Variants in PRKAG1 observed in about 807,000 individuals in gnomAD.
PRKAG1 encodes protein kinase AMP-activated non-catalytic subunit gamma 1, also known as 5'-AMP-activated protein kinase subunit gamma-1.
A neutral mutation model predicts 48.2 loss-of-function variants in PRKAG1; 27 were observed. The observed-to-expected ratio is 0.56, with a 90% CI of 0.41 to 0.77. The LOEUF (loss-of-function observed/expected upper bound fraction) is 0.77, where lower values mean the gene tolerates loss of function less well. Among genes scored for constraint, PRKAG1 ranks in the 30% least tolerant of loss-of-function variants. PRKAG1 has a pLI of 0.00. For missense variants in PRKAG1, 287 were observed against 398.3 expected, an observed-to-expected ratio of 0.72 and a Z score of 2.38; for synonymous variants, 130 against 147.7, an observed-to-expected ratio of 0.88 and a Z score of 0.87.
intron 2 of PRKAG1, among the ~76,000 whole-genome samples, chr12:49,011,179 C>T (rs1941744543): frequency 6.6e-6 from 1 of 152,050 alleles, no homozygotes; most frequent in Admixed American, 6.6e-5. Context: ...TGGAAGCCTA[C>T]CATTGTTATT....
intron 11 of PRKAG1, 63 bp from the exon 12 acceptor site, chr12:49,003,069 G>A: frequency 6.2e-7 from 1 of 1,611,624 alleles, no homozygotes; most frequent in Non-Finnish European, 8.5e-7. Flanking sequence ...AAGCCCCTCT[G>A]CCCCTACTCT....
At position 49,005,062 on chromosome 12, in the gene PRKAG1, G is replaced by C; in HGVS notation, c.356-44C>G. 5 of 1,613,080 alleles carry C rather than the reference G, an allele frequency of 3.1e-6. No homozygotes were observed. Among genetic ancestry groups the C allele is most frequent in the Admixed American group, 1.7e-5 (1 of 60,006 alleles). On this transcript the variant is annotated intron_variant, in intron 6 of 11. Coordinates refer to ENST00000548065, the MANE Select transcript of PRKAG1 (RefSeq NM_002733.5). The surrounding 1 kb of genome is among the most constrained non-coding windows in gnomAD (Gnocchi z 4.1). The stretch of plus-strand genomic sequence containing the variant: ...GGTCACAAAATACCACCATGGAAAA[G>C]TGTTTCCCAGAAACCCGCCATCCCT...
intron 1 of PRKAG1, among the ~76,000 whole-genome samples, chr12:49,013,781 A>G (rs1278508425): frequency 2.0e-5 from 3 of 152,344 alleles, no homozygotes; most frequent in Non-Finnish European, 2.9e-5. Context: ...CATACTTGAA[A>G]AAACAAATTT....
In PRKAG1 at chr12:49,016,199, A is replaced by C. The variant is rs1941962142; in HGVS notation, c.9+2533T>G. Among the ~76,000 whole-genome samples the C allele has an allele frequency of 2.6e-5, 4 of 152,132 alleles. No individual in the cohort carries two copies. The South Asian group carries it at 8.3e-4, about 32-fold the overall frequency. On this transcript the variant is annotated intron_variant, in intron 1 of 11. Coordinates refer to ENST00000548065, the MANE Select transcript of PRKAG1 (RefSeq NM_002733.5). The stretch of plus-strand genomic sequence containing the variant: ...AGCGATCCGGCCACCTTGGCCTCCC[A>C]AAATTCTGGGATTACAGGCAAGAGC...
chr12:49,005,222 G>A lies in PRKAG1; in HGVS notation c.310-57C>T, dbSNP rs992507171. On this transcript the variant is annotated intron_variant, in intron 5 of 11. Transcript: ENST00000548065. This position sits in a 1 kb window ranked among gnomAD's most constrained non-coding sequence, Gnocchi z 4.1. ...GATCTCTCTGCTTCCTTAAGCCCTC[G>A]TGGCTTGCTTGGAGAAAAAGAAATG... is the stretch of plus-strand genomic sequence containing the variant. 13 of 1,612,396 alleles carry A rather than the reference G, an allele frequency of 8.1e-6. No individual in the cohort carries two copies. Among genetic ancestry groups the A allele is most frequent in the South Asian group, 2.2e-5 (2 of 91,020 alleles).
chr12:49,014,316 G>A (rs1005279601), intron 1 of PRKAG1, among the ~76,000 whole-genome samples: 8 of 152,226 alleles, frequency 5.3e-5, no homozygotes, highest in Non-Finnish European at 7.3e-5. Context: ...CTTCTGAGCT[G>A]AACGAGCATT....
intron 7 of PRKAG1, 127 bp downstream of exon 7, chr12:49,004,813 CTGTGTGTGTGTGTGTGTGTGTGTG>C (rs3832821): frequency 5.3e-5 from 38 of 714,440 alleles, no homozygotes; most frequent in African/African-American, 2.0e-4. Context: ...GAGAGAGAGA[CTGTGTGTGTGTGTGTGTGTGTGTG>C]TGTGTGTGTG....
intron 2 of PRKAG1, among the ~76,000 whole-genome samples, chr12:49,011,555 C>CA (rs1941762548): frequency 7.3e-6 from 1 of 136,984 alleles, no homozygotes; most frequent in South Asian, 2.3e-4. Flanking sequence ...TAGTTGTCGC[C>CA]TTTTTTTTTT....
In PRKAG1 at chr12:49,003,236, A is replaced by T. The variant is rs1941365640; in HGVS notation, c.796T>A (p.Leu266Met). Reference protein sequence around the residue: ...NNLDVSVTKALQHRSHYFEGV... With the variant: ...NNLDVSVTKAMQHRSHYFEGV... ...TCAAAGTAATGTGATCGATGTTGCA[A>T]GGCTTTAGTCACAGATACATCTAGG... Residue 266 changes from leucine to methionine, a missense_variant, in exon 11 of 12, where the codon TTG becomes ATG. By Grantham distance (15) the Leu-to-Met change is conservative. Around this residue, in one of 2 missense-constraint regions of PRKAG1, gnomAD observed 224 missense variants for 344.3 expected, o/e 0.65. Coordinates refer to ENST00000548065, the MANE Select transcript of PRKAG1 (RefSeq NM_002733.5). The T allele has an allele frequency of 6.2e-7, 1 of 1,614,040 alleles. No individual in the cohort carries two copies. Among genetic ancestry groups the T allele is most frequent in the Non-Finnish European group, 8.5e-7 (1 of 1,180,028 alleles).
At chr12:49,009,557 T>G (rs1356621342) in intron 2 of PRKAG1, among the ~76,000 whole-genome samples, 2 of 152,200 alleles carry the variant, frequency 1.3e-5, no homozygotes, top group Non-Finnish European at 2.9e-5. Flanking sequence ...AAATTCCTTC[T>G]TTAAAAAATT....
intron 1 of PRKAG1, among the ~76,000 whole-genome samples, chr12:49,016,182 G>A (rs1411843468): frequency 1.6e-4 from 25 of 151,904 alleles, no homozygotes; most frequent in Admixed American, 1.5e-3. Context: ...CAAGCGATCC[G>A]GCCACCTTGG....
chr12:49,007,753 T>C (rs533435681), intron 2 of PRKAG1, among the ~76,000 whole-genome samples: 3 of 152,238 alleles, frequency 2.0e-5, no homozygotes, highest in South Asian at 4.1e-4. Flanking sequence ...AAGATGAGAA[T>C]TTCTAGTTCT....
At chr12:49,011,371 G>C (rs1487518510) in intron 2 of PRKAG1, among the ~76,000 whole-genome samples, 2 of 152,130 alleles carry the variant, frequency 1.3e-5, no homozygotes, top group Admixed American at 6.5e-5. Context: ...CCAGGCTGGA[G>C]TGCAAAAAAT....
intron 1 of PRKAG1, among the ~76,000 whole-genome samples, chr12:49,015,818 C>T (rs1043039188): frequency 2.0e-5 from 3 of 152,056 alleles, no homozygotes; most frequent in Admixed American, 6.5e-5. Flanking sequence ...CCTCGTGATC[C>T]ACCCGCCTCG....
chr12:49,003,981 C>T (rs368231399), intron 8 of PRKAG1, 59 bp from the exon 9 acceptor site: 1 of 1,536,694 alleles, frequency 6.5e-7, no homozygotes, highest in East Asian at 2.3e-5. Context: ...TTGGATACCC[C>T]CTCCAACCCA....
intron 11 of PRKAG1, 35 bp downstream of exon 11, chr12:49,003,109 C>A: frequency 6.2e-7 from 1 of 1,613,828 alleles, no homozygotes; most frequent in Non-Finnish European, 8.5e-7. Flanking sequence ...CAAGGCTGCT[C>A]CCCTCAGCTC....
At chr12:49,014,553 A>C (rs1418229916) in intron 1 of PRKAG1, among the ~76,000 whole-genome samples, 1 of 152,258 alleles carries the variant, frequency 6.6e-6, no homozygotes, top group Non-Finnish European at 1.5e-5. Flanking sequence ...ACCATTGTCT[A>C]GCTCCATGGC....
At chr12:49,004,700 C>G in intron 7 of PRKAG1, 67 bp from the exon 8 acceptor site, 1 of 1,602,668 alleles carries the variant, frequency 6.2e-7, no homozygotes. Context: ...CAGGTCCATA[C>G]AGTGTATTGC....
chr12:49,003,772 C>T lies in PRKAG1; in HGVS notation c.688G>A (p.Val230Met). The change falls in exon 9 of 12, where the codon GTG becomes ATG. Residue 230 changes from valine to methionine, a missense_variant. Coordinates refer to ENST00000548065, the MANE Select transcript of PRKAG1 (RefSeq NM_002733.5). ...AATCTCTCACCCTTCTCATCCACCA[C>T]TGGCAGGGCTGAGACTCGATGCTGT... ...FVQHRVSALP[V>M]VDEKGRVVDI... 1 of 1,612,798 alleles carries T rather than the reference C, an allele frequency of 6.2e-7. No individual in the cohort carries two copies. Among genetic ancestry groups the T allele is most frequent in the Non-Finnish European group, 8.5e-7 (1 of 1,179,282 alleles).
Sources: allele counts gnomAD v4.1 joint callset (sites outside exome capture counted in the v4.1 genomes callset), GRCh38; gene constraint gnomAD v4.1.1; regional missense constraint gnomAD v4.1.1; non-coding constraint Gnocchi (gnomAD v3.1); transcripts MANE v1.5; gene names NCBI Gene and HGNC (gene_info 2026-07-23, HGNC 2026-07-21).